The following DNAI2 variants were observed in gnomAD, a reference collection of about 807,000 sequenced individuals.
The protein encoded by DNAI2 is dynein, axonemal, intermediate polypeptide 2.
Under a neutral mutation model 74.7 loss-of-function variants are expected in DNAI2, and 63 were observed. The observed-to-expected ratio is 0.84, with a 90% CI of 0.69 to 1.04. DNAI2 has a LOEUF of 1.04. DNAI2 is among the 50% of genes least tolerant of loss of function. DNAI2 has a pLI of 0.00. For synonymous variants in DNAI2, 289 were observed against 314.9 expected, an observed-to-expected ratio of 0.92 and a Z score of 0.87; for missense variants, 688 against 803.2, an observed-to-expected ratio of 0.86 and a Z score of 1.73.
intron 1 of DNAI2, among the ~76,000 whole-genome samples, chr17:74,280,086 G>A (rs958994084): frequency 1.3e-5 from 2 of 152,200 alleles, no homozygotes; most frequent in African/African-American, 2.4e-5. Context: ...CAGGTACACA[G>A]GTCAAAGCGC....
At chr17:74,292,604 A>G (rs533488318) in intron 6 of DNAI2, among the ~76,000 whole-genome samples, 6 of 151,768 alleles carry the variant, frequency 4.0e-5, no homozygotes, top group African/African-American at 1.4e-4. Context: ...TTTTTTAGTC[A>G]CAAGGTTTCA....
At chr17:74,313,975 G>T in intron 12 of DNAI2, 146 bp from the exon 13 acceptor site, 1 of 1,339,978 alleles carries the variant, frequency 7.5e-7, no homozygotes, top group Non-Finnish European at 1.0e-6. Context: ...ACCAGCCGCA[G>T]AGCTGGCACC....
Position 74,300,980 on chromosome 17 carries a change from G to T in DNAI2, c.865-66G>T. On this transcript the variant is annotated intron_variant, in intron 7 of 13. Transcript: ENST00000311014. The surrounding 1 kb of genome is among the most constrained non-coding windows in gnomAD (Gnocchi z 4.5). ...GACCCCAGGACGGTGGGGTGAGGGC[G>T]GAGAAGGCAAAAGCCAGGGGAAATA... The T allele has an allele frequency of 6.2e-7, 1 of 1,604,126 alleles. No individual in the cohort carries two copies. Among genetic ancestry groups the T allele is most frequent in the South Asian group, 1.1e-5 (1 of 90,534 alleles).
At chr17:74,286,070 C>T (rs965833175) in intron 3 of DNAI2, among the ~76,000 whole-genome samples, 3 of 151,536 alleles carry the variant, frequency 2.0e-5, no homozygotes, top group Non-Finnish European at 2.9e-5. Flanking sequence ...CAGAGGCAGG[C>T]AGATCACTCG....
intron 8 of DNAI2, 94 bp downstream of exon 8, chr17:74,301,262 A>C: frequency 1.9e-6 from 3 of 1,579,474 alleles, no homozygotes; most frequent in Non-Finnish European, 2.6e-6. Context: ...TGCTCGTGGA[A>C]CCCAGCACCA....
At chr17:74,299,334 G>A (rs750011687) in intron 6 of DNAI2, among the ~76,000 whole-genome samples, 18 of 151,958 alleles carry the variant, frequency 1.2e-4, no homozygotes, top group South Asian at 8.3e-4. Flanking sequence ...CTCTCCTCTC[G>A]CCTGGCTCCC....
chr17:74,290,823 A>G (rs1354481082), intron 5 of DNAI2, among the ~76,000 whole-genome samples, 197 bp from the exon 6 acceptor site: 7 of 152,228 alleles, frequency 4.6e-5, no homozygotes, highest in Non-Finnish European at 1.0e-4. Context: ...AACCATCAGC[A>G]AAGCCCCTAG....
At chr17:74,306,388 C>A (rs2053193649) in intron 9 of DNAI2, among the ~76,000 whole-genome samples, 1 of 152,202 alleles carries the variant, frequency 6.6e-6, no homozygotes, top group East Asian at 1.9e-4. Flanking sequence ...CGAATTCTAA[C>A]CACCCCCTTG....
At chr17:74,282,030 G>A in intron 2 of DNAI2, 30 bp downstream of exon 2, 1 of 1,613,238 alleles carries the variant, frequency 6.2e-7, no homozygotes, top group South Asian at 1.1e-5. Flanking sequence ...GCCCTGGCCT[G>A]TCAGGTGTGG....
intron 6 of DNAI2, among the ~76,000 whole-genome samples, chr17:74,295,467 GCTTTT>G (rs2052374500): frequency 1.3e-5 from 2 of 152,128 alleles, no homozygotes; most frequent in Admixed American, 6.6e-5. Flanking sequence ...ATCATCTCAT[GCTTTT>G]CTTTAGTTCT....
At chr17:74,304,186 C>CTTTTTTTTTTTTTTTTT (rs56696514) in intron 8 of DNAI2, among the ~76,000 whole-genome samples, 3 of 67,632 alleles carry the variant, frequency 4.4e-5, no homozygotes, top group Admixed American at 2.0e-4. Context: ...TTTCTTTTTT[C>CTTTTTTTTTTTTTTTTT]TTTTTTTTTT....
Position 74,282,004 on chromosome 17 carries a change from G to T in DNAI2, c.183+4G>T. ...GATCAGCATGTCGGAACACGAGGTG[G>T]GTCCCTGCCCCAAGGGCCCTGGCCT... On this transcript the variant is annotated splice_donor_region_variant and intron_variant, in intron 2 of 13. Transcript: ENST00000311014. 6.2e-7 allele frequency: 1 copy of T among 1,613,826 alleles called. No homozygotes were observed. The highest frequency in any genetic ancestry group is 8.5e-7 in the Non-Finnish European group (1 of 1,179,954).
At chr17:74,298,752 A>G (rs2382648) in intron 6 of DNAI2, among the ~76,000 whole-genome samples, 101,866 of 151,762 alleles carry the variant, frequency 0.67, 34,908 homozygotes, top group African/African-American at 0.72. Flanking sequence ...CTCCCGAGTA[A>G]CAGCCTCCCG....
intron 9 of DNAI2, chr17:74,307,131 C>T: frequency 2.4e-6 from 1 of 422,426 alleles, no homozygotes; most frequent in South Asian, 1.7e-5. Context: ...TGTTCCAGGC[C>T]TCATAGCAAG....
intron 5 of DNAI2, among the ~76,000 whole-genome samples, chr17:74,290,595 A>AGAG (rs2052026625): frequency 6.6e-6 from 1 of 152,196 alleles, no homozygotes; most frequent in African/African-American, 2.4e-5. Context: ...CTAACGCCCG[A>AGAG]CATTCCAACA....
intron 8 of DNAI2, among the ~76,000 whole-genome samples, chr17:74,301,784 C>T (rs568466186): frequency 9.2e-5 from 13 of 140,620 alleles, no homozygotes; most frequent in African/African-American, 3.3e-4. Flanking sequence ...CCCCCCCCAC[C>T]GCCCGCCCAG....
In DNAI2 at chr17:74,305,376, C is replaced by T. The variant is rs764771316; in HGVS notation, c.1145C>T (p.Thr382Met). The stretch of plus-strand genomic sequence containing the variant: ...CCCTTCTACCCGAAGAACTTCCTGA[C>T]GGTTGGCGACTGGACAGCCCGCATT... ...RNPFYPKNFLTVGDWTARIWS... is the reference protein window; with the variant it reads ...RNPFYPKNFLMVGDWTARIWS... Residue 382 changes from threonine (T) to methionine (M), a missense_variant, in exon 9 of 14, where the codon ACG becomes ATG. By Grantham distance (81) the Thr-to-Met change is moderately conservative. Coordinates refer to ENST00000311014, the MANE Select transcript of DNAI2 (RefSeq NM_023036.6). 43 of 1,614,082 alleles carry T rather than the reference C, an allele frequency of 2.7e-5. No individual in the cohort carries two copies. The highest frequency in any genetic ancestry group is 7.7e-5 in the South Asian group (7 of 91,082).
At chr17:74,286,475 C>T (rs1050309514) in intron 3 of DNAI2, among the ~76,000 whole-genome samples, 1 of 151,974 alleles carries the variant, frequency 6.6e-6, no homozygotes, top group African/African-American at 2.4e-5. Flanking sequence ...GGCTTGAGTG[C>T]AGTGGCGTGA....
At chr17:74,297,910 A>G (rs550442937) in intron 6 of DNAI2, among the ~76,000 whole-genome samples, 2 of 152,256 alleles carry the variant, frequency 1.3e-5, no homozygotes, top group South Asian at 2.1e-4. Flanking sequence ...GGGAGCCAGG[A>G]TGGCTGAGAA....
Sources: allele counts gnomAD v4.1 joint callset (sites outside exome capture counted in the v4.1 genomes callset), GRCh38; gene constraint gnomAD v4.1.1; non-coding constraint Gnocchi (gnomAD v3.1); transcripts MANE v1.5; gene names NCBI Gene and HGNC (gene_info 2026-07-23, HGNC 2026-07-21).